The following KRTAP2-2 variants were observed in gnomAD, a reference collection of about 807,000 sequenced individuals.
KRTAP2-2 encodes keratin associated protein 2-2.
KRTAP2-2 carries 3 observed loss-of-function variants against 10.2 expected under a neutral mutation model. The ratio of observed to expected loss-of-function variants is 0.29; its 90% CI spans 0.13 to 0.76. The LOEUF (loss-of-function observed/expected upper bound fraction) is 0.76, where lower values mean the gene tolerates loss of function less well. Among genes scored for constraint, KRTAP2-2 ranks in the 30% least tolerant of loss-of-function variants. The pLI is 0.67. For synonymous variants in KRTAP2-2, 20 were observed against 70.8 expected, an observed-to-expected ratio of 0.28 and a Z score of 3.60; for missense variants, 54 against 163.6, an observed-to-expected ratio of 0.33 and a Z score of 3.65.
At chr17:41,054,736 T>C (rs1441257732) in exon 1 of KRTAP2-2, 2 of 1,536,158 alleles carry the variant, frequency 1.3e-6, no homozygotes, top group East Asian at 2.4e-5. Flanking sequence ...GGGCCCTTCG[T>C]GATAACGGGC....
rs370400944 is a variant in KRTAP2-2 at position 41,054,964 on chromosome 17, G to A, written c.248C>T (p.Ser83Leu). ...GGGCCTGCACACCACAGCCGTGCAC[G>A]ACGAGGGGCAGCAGGTGATGGGGCG... The change falls in exon 1 of 1, where the codon TCG (serine) becomes TTG (leucine). Residue 83 changes from serine to leucine, a missense_variant. Ser to Leu is a moderately radical substitution (Grantham distance 145). Coordinates refer to ENST00000398477, the Ensembl canonical transcript of KRTAP2-2. 8.8e-6 allele frequency: 10 copies of A among 1,130,280 alleles called. No homozygotes were observed. The East Asian group carries it at 1.8e-4, about 20-fold the overall frequency. 70.0% of individuals were successfully genotyped at this position (1,130,280 alleles called of 1,614,324 possible). A position where few individuals can be genotyped will look rare whatever the true frequency, so the allele number is the denominator to read the frequency against.
At chr17:41,054,586 T>A in exon 1 of KRTAP2-2, 1 of 990,248 alleles carries the variant, frequency 1.0e-6, no homozygotes, top group Non-Finnish European at 1.4e-6. Context: ...ATTTCTCATC[T>A]GTGGTTGGTC....
exon 1 of KRTAP2-2, chr17:41,054,578 T>A: frequency 2.1e-6 from 2 of 943,344 alleles, no homozygotes; most frequent in Non-Finnish European, 3.1e-6. Context: ...GGAAAAGTAT[T>A]TCTCATCTGT....
chr17:41,055,227 T>C (rs1408375212), exon 1 of KRTAP2-2: 28 of 1,374,404 alleles, frequency 2.0e-5, no homozygotes, highest in Non-Finnish European at 2.7e-5. Context: ...TGTCTGAGGC[T>C]GGTGTGGGTT....
Position 41,055,200 on chromosome 17 carries a change from G to A in KRTAP2-2, c.12C>T (p.Ser4=), listed in dbSNP as rs1324030073. ...GGGAGGAGAAGGTGGAGCCGCAGCA[G>A]GAGCCGGTCATGGTGGTGTCTGAGG... Residue 4 remains serine, a synonymous_variant, in exon 1 of 1, where the codon TCC becomes TCT. Transcript: ENST00000398477. The A allele has an allele frequency of 6.3e-6, 9 of 1,421,960 alleles. No individual in the cohort carries two copies. In the South Asian group the frequency reaches 1.3e-4, roughly 21 times the overall value. The allele number at this position is 1,421,960 out of a possible 1,614,324, so 88.1% of individuals were successfully genotyped here.
In KRTAP2-2 at chr17:41,054,548, G is replaced by C. The variant is rs443838; in HGVS notation, c.*292C>G. 26,507 of 688,532 alleles carry C rather than the reference G, an allele frequency of 0.038. 5,375 individuals are homozygous for C. In the African/African-American group the frequency reaches 0.43, roughly 11 times the overall value. 42.7% of individuals were successfully genotyped at this position (688,532 alleles called of 1,614,324 possible). ...ATTAGAAAGCAGACAACATGATATAGGAGTTAGACTGGAGTCCTAGGAAAA... is the reference window on the plus strand; with the variant it reads ...ATTAGAAAGCAGACAACATGATATACGAGTTAGACTGGAGTCCTAGGAAAA... On this transcript the variant is annotated 3_prime_UTR_variant, in exon 1 of 1. Transcript: ENST00000398477.
exon 1 of KRTAP2-2, chr17:41,054,730 C>T (rs926953504): frequency 1.3e-6 from 2 of 1,537,844 alleles, no homozygotes; most frequent in Non-Finnish European, 1.7e-6. Flanking sequence ...TCTGAGGGGC[C>T]CTTCGTGATA....
exon 1 of KRTAP2-2, chr17:41,054,681 G>A (rs1352710873): frequency 1.3e-6 from 2 of 1,526,560 alleles, no homozygotes; most frequent in East Asian, 4.9e-5. Context: ...TTGCTCTGCG[G>A]TGAAGCCCTG....
chr17:41,054,735 G>C (rs1234348842), exon 1 of KRTAP2-2: 2 of 1,540,178 alleles, frequency 1.3e-6, no homozygotes, highest in Non-Finnish European at 1.7e-6. Context: ...GGGGCCCTTC[G>C]TGATAACGGG....
At chr17:41,054,649 G>A (rs951992066) in exon 1 of KRTAP2-2, 44 of 1,460,458 alleles carry the variant, frequency 3.0e-5, no homozygotes, top group Non-Finnish European at 4.0e-5. Flanking sequence ...GATGAGAAAT[G>A]GGCTTCTCAA....
chr17:41,054,619 A>T, exon 1 of KRTAP2-2: 2 of 1,316,782 alleles, frequency 1.5e-6, no homozygotes, highest in Non-Finnish European at 2.0e-6. Flanking sequence ...TTCAATGCAT[A>T]GTGTGAGCTA....
At chr17:41,055,229 G>C (rs1050184232) in exon 1 of KRTAP2-2, 34 of 1,374,718 alleles carry the variant, frequency 2.5e-5, no homozygotes, top group African/African-American at 4.5e-5. Flanking sequence ...TCTGAGGCTG[G>C]TGTGGGTTGG....
exon 1 of KRTAP2-2, chr17:41,055,158 G>C: frequency 7.3e-7 from 1 of 1,375,866 alleles, no homozygotes; most frequent in Non-Finnish European, 9.6e-7. Flanking sequence ...GCTGGCAGCA[G>C]CCTCCCCCGT....
At chr17:41,054,558 TG>T in exon 1 of KRTAP2-2, 2 of 759,028 alleles carry the variant, frequency 2.6e-6, no homozygotes, top group Non-Finnish European at 4.1e-6. Context: ...GGAGTTAGAC[TG>T]GAGTCCTAGG....
chr17:41,055,132 T>G, exon 1 of KRTAP2-2: 1 of 1,333,196 alleles, frequency 7.5e-7, no homozygotes, highest in Non-Finnish European at 9.9e-7. Context: ...GCAGCAGGGG[T>G]CGCGGCAGCA....
Position 41,054,858 on chromosome 17 carries a change from G to T in KRTAP2-2, c.354C>A (p.Cys118Ter), listed in dbSNP as rs1286463901. ...TGGTGGCTCAGCAGGAGGAGGTCCT[G>T]CAGGTGGTGCTGCAAGGGGTCGGCT... The change falls in exon 1 of 1, where the codon TGC (cysteine) becomes TGA (stop). Residue 118 changes from cysteine (C) to a stop codon, truncating the protein, a stop_gained. Transcript: ENST00000398477. LOFTEE classifies it high-confidence loss of function. The T allele has an allele frequency of 6.7e-7, 1 of 1,494,924 alleles. No individual in the cohort carries two copies. Among genetic ancestry groups the T allele is most frequent in the African/African-American group, 1.8e-5 (1 of 55,222 alleles). 92.6% of individuals were successfully genotyped at this position (1,494,924 alleles called of 1,614,324 possible). A position where few individuals can be genotyped will look rare whatever the true frequency, so the allele number is the denominator to read the frequency against.
At chr17:41,054,743 G>C (rs769789137) in exon 1 of KRTAP2-2, 5 of 1,527,584 alleles carry the variant, frequency 3.3e-6, no homozygotes, top group Non-Finnish European at 3.5e-6. Context: ...TCGTGATAAC[G>C]GGCTGCTCAG....
At chr17:41,054,541 T>G in exon 1 of KRTAP2-2, 21 of 663,552 alleles carry the variant, frequency 3.2e-5, no homozygotes, top group Non-Finnish European at 3.7e-5. Flanking sequence ...GCAGACAACA[T>G]GATATAGGAG....
exon 1 of KRTAP2-2, chr17:41,054,505 G>A (rs183092755): frequency 1.7e-6 from 1 of 593,770 alleles, no homozygotes; most frequent in East Asian, 2.8e-5. Flanking sequence ...TGATTTCTAT[G>A]GTAGGAGTAT....
Sources: allele counts gnomAD v4.1 joint callset, GRCh38; gene constraint gnomAD v4.1.1; transcripts MANE v1.5; gene names NCBI Gene and HGNC (gene_info 2026-07-23, HGNC 2026-07-21).